The following RAD51 variants were observed in gnomAD, a reference collection of about 807,000 sequenced individuals.
RAD51 encodes DNA repair protein RAD51 homolog 1.
RAD51 carries 14 observed loss-of-function variants against 41.5 expected under a neutral mutation model. The ratio of observed to expected loss-of-function variants is 0.34; its 90% CI spans 0.22 to 0.53. The LOEUF is 0.53. Ranked by LOEUF, RAD51 falls within the 20% of genes least tolerant of loss-of-function variation. RAD51 has a pLI of 0.95. For synonymous variants in RAD51, 136 were observed against 148.6 expected (o/e 0.92, Z 0.62); for missense variants, 234 against 422.0 (o/e 0.55, Z 3.90).
At chr15:40,726,710 C>A (rs548753000) in intron 6 of RAD51, among the ~76,000 whole-genome samples, 1 of 151,616 alleles carries the variant, frequency 6.6e-6, no homozygotes, top group Non-Finnish European at 1.5e-5. Flanking sequence ...GTCAGGAGAT[C>A]GAGACCATCC....
At chr15:40,711,640 G>A (rs1338805895) in intron 5 of RAD51, among the ~76,000 whole-genome samples, 1 of 152,138 alleles carries the variant, frequency 6.6e-6, no homozygotes, top group Non-Finnish European at 1.5e-5. Context: ...GGGAAGGAAG[G>A]AAATTAAAAG....
rs1896884916 is a variant in RAD51, at chr15:40,731,724, CT to C, written c.*548del. The C allele has an allele frequency of 4.4e-6, 1 of 226,074 alleles. No individual in the cohort carries two copies. Among genetic ancestry groups the C allele is most frequent in the Non-Finnish European group, 8.8e-6 (1 of 113,164 alleles). 14.0% of individuals were successfully genotyped at this position (226,074 alleles called of 1,614,324 possible). On this transcript the variant is annotated 3_prime_UTR_variant, in exon 10 of 10. Coordinates refer to ENST00000267868, the MANE Select transcript of RAD51 (RefSeq NM_002875.5). ...TGCCAAACCTACTAGGCCATTAGCC[CT>C]TCACCATCTACCTGCTTGGTCTTTC...
intron 5 of RAD51, among the ~76,000 whole-genome samples, chr15:40,713,357 G>C (rs929032187): frequency 6.7e-6 from 1 of 149,932 alleles, no homozygotes; most frequent in Non-Finnish European, 1.5e-5. Flanking sequence ...CAGTTCTCCA[G>C]CCTCAGCCTC....
intron 4 of RAD51, among the ~76,000 whole-genome samples, chr15:40,708,517 C>T (rs903668253): frequency 1.3e-5 from 2 of 151,784 alleles, no homozygotes; most frequent in Non-Finnish European, 2.9e-5. Flanking sequence ...TGTGAGCCAC[C>T]GCACCTGGCC....
rs1029532225 is a variant in RAD51, at chr15:40,731,636, C to A, written c.*458C>A. 4.1e-6 allele frequency: 1 copy of A among 246,464 alleles called. No homozygotes were observed. Among genetic ancestry groups the A allele is most frequent in the South Asian group, 1.2e-4 (1 of 8,050 alleles). 15.3% of individuals were successfully genotyped at this position (246,464 alleles called of 1,614,324 possible). A position where few individuals can be genotyped will look rare whatever the true frequency, so the allele number is the denominator to read the frequency against. ...TCTTTTTTTCTGTCAGTAAAACTCTCAAGCAGGTTTTTAAGTTGTCTGTCT... is the reference window on the plus strand; with the variant it reads ...TCTTTTTTTCTGTCAGTAAAACTCTAAAGCAGGTTTTTAAGTTGTCTGTCT... On this transcript the variant is annotated 3_prime_UTR_variant, in exon 10 of 10. Coordinates refer to ENST00000267868, the MANE Select transcript of RAD51 (RefSeq NM_002875.5).
chr15:40,725,795 G>A lies in RAD51; in HGVS notation c.531-2916G>A, dbSNP rs576204504. Among the ~76,000 whole-genome samples the A allele has an allele frequency of 3.3e-5, 5 of 152,108 alleles. No individual in the cohort carries two copies. In the East Asian group the frequency reaches 7.7e-4, roughly 24 times the overall value. ...CTAAGGTCAGGAGTTTGAGACCAGC[G>A]TGGCAACATGGTGAAACCCTGCTCT... On this transcript the variant is annotated intron_variant, in intron 6 of 9. Transcript: ENST00000267868.
At chr15:40,706,376 A>G in intron 4 of RAD51, 82 bp downstream of exon 4, 1 of 1,142,300 alleles carries the variant, frequency 8.8e-7, no homozygotes, top group South Asian at 1.3e-5. Context: ...ATATTTGTGT[A>G]GCATTTCCTT....
rs144146083 is a variant in RAD51 at position 40,709,013 on chromosome 15, T to A, written c.344-12T>A. The A allele has an allele frequency of 6.2e-7, 1 of 1,604,082 alleles. No homozygotes were observed. The highest frequency in any genetic ancestry group is 2.2e-5 in the East Asian group (1 of 44,832). On this transcript the variant is annotated splice_polypyrimidine_tract_variant and intron_variant, in intron 4 of 9. Transcript: ENST00000267868. ...GTATTATGCTAAGAGTTATTTCTTA[T>A]CGCTTTTTTAGGTGGAATTGAGACT... is the stretch of plus-strand genomic sequence containing the variant.
intron 4 of RAD51, among the ~76,000 whole-genome samples, chr15:40,706,538 A>T (rs758126698): frequency 6.6e-6 from 1 of 152,116 alleles, no homozygotes; most frequent in Non-Finnish European, 1.5e-5. Flanking sequence ...AAAAATACAA[A>T]ATTAGTTGGG....
Position 40,706,291 on chromosome 15 carries a change from C to A in RAD51, c.340C>A (p.Gln114Lys). The stretch of plus-strand genomic sequence containing the variant: ...CTCCAAAGAGCTTGACAAACTACTT[C>A]AAGGTGTAGTAATCCTTTATCCTGT... ...TGSKELDKLL[Q>K]GGIETGSITE... Residue 114 changes from glutamine (Q) to lysine (K), a missense_variant, in exon 4 of 10, where the codon CAA becomes AAA. Coordinates refer to ENST00000267868, the MANE Select transcript of RAD51 (RefSeq NM_002875.5). 1.3e-6 allele frequency: 2 copies of A among 1,599,360 alleles called. No homozygotes were observed. Among genetic ancestry groups the A allele is most frequent in the Non-Finnish European group, 1.7e-6 (2 of 1,166,540 alleles).
chr15:40,725,847 A>T (rs1238957389), intron 6 of RAD51, among the ~76,000 whole-genome samples: 1 of 152,082 alleles, frequency 6.6e-6, no homozygotes, highest in African/African-American at 2.4e-5. Flanking sequence ...CTAGCTGGGC[A>T]TGTTAGCGGG....
chr15:40,708,139 T>C (rs751311862), intron 4 of RAD51, among the ~76,000 whole-genome samples: 8 of 147,980 alleles, frequency 5.4e-5, no homozygotes, highest in Non-Finnish European at 1.0e-4. Flanking sequence ...TGCCTCCGCC[T>C]CCCGAGTAGC....
At chr15:40,708,324 G>A (rs1409495841) in intron 4 of RAD51, among the ~76,000 whole-genome samples, 5 of 150,560 alleles carry the variant, frequency 3.3e-5, no homozygotes, top group African/African-American at 1.2e-4. Flanking sequence ...CGCCTCCCAG[G>A]TTCAAGTGAT....
chr15:40,729,059 G>A (rs1896732400), intron 7 of RAD51, among the ~76,000 whole-genome samples: 1 of 152,072 alleles, frequency 6.6e-6, no homozygotes, highest in African/African-American at 2.4e-5. Context: ...TGTTAGTACT[G>A]TGCAAATATT....
Position 40,731,229 on chromosome 15 carries a change from G to C in RAD51, c.*51G>C. 6 of 1,612,022 alleles carry C rather than the reference G, an allele frequency of 3.7e-6. No homozygotes were observed. The highest frequency in any genetic ancestry group is 5.1e-6 in the Non-Finnish European group (6 of 1,178,466). ...AACCTTAAGTGCTGCAGCCTAATGA[G>C]AGTGCACTGCTCCCTGGGGTTCTCT... On this transcript the variant is annotated 3_prime_UTR_variant, in exon 10 of 10. Transcript: ENST00000267868.
Position 40,729,493 on chromosome 15 carries a change from T to G in RAD51, c.645-12T>G. The G allele has an allele frequency of 1.9e-6, 3 of 1,613,500 alleles. No individual in the cohort carries two copies. Among genetic ancestry groups the G allele is most frequent in the Non-Finnish European group, 2.5e-6 (3 of 1,179,716 alleles). ...CTAGAAATAGGCTTCAGAGAATCCTTGTTTCCTGTAGGTATGCACTGCTTA... is the reference window on the plus strand; with the variant it reads ...CTAGAAATAGGCTTCAGAGAATCCTGGTTTCCTGTAGGTATGCACTGCTTA... On this transcript the variant is annotated splice_polypyrimidine_tract_variant and intron_variant, in intron 7 of 9. Coordinates refer to ENST00000267868, the MANE Select transcript of RAD51 (RefSeq NM_002875.5).
chr15:40,709,108 A>G lies in RAD51; in HGVS notation c.427A>G (p.Thr143Ala). 1 of 1,613,026 alleles carries G rather than the reference A, an allele frequency of 6.2e-7. No individual in the cohort carries two copies. Residue 143 changes from threonine (T) to alanine (A), a missense_variant, in exon 5 of 10, where the codon ACC (threonine) becomes GCC (alanine). Thr to Ala is a moderately conservative substitution (Grantham distance 58). Transcript: ENST00000267868. Reference protein sequence around the residue: ...KTQICHTLAVTCQLPIDRGGG... With the variant: ...KTQICHTLAVACQLPIDRGGG... ...CCAGATCTGTCATACGCTAGCTGTCACCTGCCAGGTGAGCTGTTGGGGCTA... is the reference window on the plus strand; with the variant it reads ...CCAGATCTGTCATACGCTAGCTGTCGCCTGCCAGGTGAGCTGTTGGGGCTA...
chr15:40,719,107 G>A (rs993452456), intron 6 of RAD51, among the ~76,000 whole-genome samples: 2 of 150,324 alleles, frequency 1.3e-5, no homozygotes, highest in Admixed American at 1.3e-4. Flanking sequence ...ACCCAGGCTA[G>A]AGTGCGGTGG....
intron 5 of RAD51, among the ~76,000 whole-genome samples, chr15:40,711,410 C>T (rs143974738): frequency 4.5e-4 from 69 of 152,248 alleles, no homozygotes; most frequent in African/African-American, 1.4e-3. Flanking sequence ...TGCTGTATTG[C>T]TAGTGCCTAA....
Sources: gnomAD v4.1 joint callset for allele counts (sites outside exome capture counted in the v4.1 genomes callset) on GRCh38, gnomAD v4.1.1 for gene constraint, MANE v1.5 for transcripts, NCBI Gene and HGNC (gene_info 2026-07-23, HGNC 2026-07-21) for gene names.